PSG3: variants seen among roughly 807,000 people sequenced by gnomAD.
The protein encoded by PSG3 is pregnancy specific beta-1-glycoprotein 3, also known as pregnancy-specific beta-1-glycoprotein 3.
Under a neutral mutation model 47.5 loss-of-function variants are expected in PSG3, and 61 were observed. The ratio of observed to expected loss-of-function variants is 1.28; its 90% confidence interval spans 1.05 to 1.59. The LOEUF is 1.59. Ranked by LOEUF, PSG3 falls within the 40% of genes most tolerant of loss-of-function variation. The probability of loss-of-function intolerance (pLI) is 0.00; values close to 1 mark genes in which losing one functional copy is unlikely to be tolerated. For synonymous variants in PSG3, 263 were observed against 198.4 expected, an observed-to-expected ratio of 1.33 and a Z score of -2.74; for missense variants, 756 against 524.0, an observed-to-expected ratio of 1.44 and a Z score of -4.32.
In PSG3 at chr19:42,738,846, G is replaced by C; in HGVS notation, c.308C>G (p.Ser103Cys). ...ATTCTGGATCAGCAGGGATGCATTG[G>C]AATATACTGTTTCTCGTCCACTGTA... ...PAYSGRETVY[S>C]NASLLIQNVT... is the part of the protein sequence containing the mutation. Residue 103 changes from serine to cysteine, a missense_variant, in exon 2 of 7, where the codon TCC becomes TGC. Transcript: ENST00000327495. 2 of 1,614,124 alleles carry C rather than the reference G, an allele frequency of 1.2e-6. No homozygotes were observed. Among genetic ancestry groups the C allele is most frequent in the Non-Finnish European group, 1.7e-6 (2 of 1,180,000 alleles).
intron 4 of PSG3, among the ~76,000 whole-genome samples, 193 bp downstream of exon 4, chr19:42,729,585 C>G (rs535794313): frequency 6.6e-6 from 1 of 152,310 alleles, no homozygotes; most frequent in East Asian, 1.9e-4. Flanking sequence ...ATGACAAGAG[C>G]GTCCCCTCCC....
At chr19:42,731,988 G>A (rs1271466111) in intron 3 of PSG3, 1 of 151,764 alleles carries the variant, frequency 6.6e-6, no homozygotes, top group Non-Finnish European at 1.5e-5. Context: ...GCAAAAGCTG[G>A]TGGTTTTGGA....
chr19:42,730,518 G>A (rs186329191), intron 3 of PSG3, among the ~76,000 whole-genome samples: 1 of 152,184 alleles, frequency 6.6e-6, no homozygotes, highest in African/African-American at 2.4e-5. Flanking sequence ...GACTTCCCAT[G>A]GCCCTGAAAC....
intron 5 of PSG3, among the ~76,000 whole-genome samples, chr19:42,725,899 A>AAAAAAAAG (rs1845803584): frequency 4.0e-5 from 6 of 150,886 alleles, no homozygotes; most frequent in African/African-American, 1.5e-4. Flanking sequence ...CCAAAAAAAA[A>AAAAAAAAG]AAAAAAAAAA....
At chr19:42,738,174 C>T (rs1969597872) in intron 2 of PSG3, among the ~76,000 whole-genome samples, 1 of 152,204 alleles carries the variant, frequency 6.6e-6, no homozygotes, top group Non-Finnish European at 1.5e-5. Flanking sequence ...CCAGATGAGG[C>T]TCTGAGGGCT....
At chr19:42,726,910 A>T (rs1167087259) in intron 5 of PSG3, among the ~76,000 whole-genome samples, 1 of 152,236 alleles carries the variant, frequency 6.6e-6, no homozygotes, top group African/African-American at 2.4e-5. Context: ...TAATCAATAC[A>T]CTGTGGTACT....
chr19:42,722,655 C>A (rs1447757566), intron 6 of PSG3, among the ~76,000 whole-genome samples: 3 of 152,218 alleles, frequency 2.0e-5, no homozygotes, highest in East Asian at 1.9e-4. Flanking sequence ...TTTAACTTAT[C>A]AAATAAAGTG....
chr19:42,739,277 G>A (rs1600392841), intron 1 of PSG3, 188 bp from the exon 2 acceptor site: 3 of 1,051,268 alleles, frequency 2.9e-6, no homozygotes, highest in East Asian at 2.5e-5. Context: ...CTCCTACTAG[G>A]TGAAGGTCAG....
At chr19:42,727,704 A>G (rs937787834) in intron 5 of PSG3, among the ~76,000 whole-genome samples, 1 of 152,258 alleles carries the variant, frequency 6.6e-6, no homozygotes, top group Non-Finnish European at 1.5e-5. Context: ...CACTGTAAGA[A>G]GTGGTGTGGC....
chr19:42,732,835 G>T lies in PSG3; in HGVS notation c.658C>A (p.Arg220=). The T allele has an allele frequency of 6.8e-6, 11 of 1,614,182 alleles. No homozygotes were observed. The highest frequency in any genetic ancestry group is 9.3e-6 in the Non-Finnish European group (11 of 1,180,024). ...CTGCGGCTGGCACTCACTGGGTTCC[G>T]TATTTCACATTCATAGGGTCCTGCA... ...YTAGPYECEI[R]NPVSASRSDP... The change falls in exon 3 of 7, where the codon CGG becomes AGG. Residue 220 remains arginine, a synonymous_variant. Transcript: ENST00000327495.
chr19:42,740,083 G>A (rs1568757486), intron 1 of PSG3, among the ~76,000 whole-genome samples: 2 of 151,968 alleles, frequency 1.3e-5, no homozygotes, highest in Non-Finnish European at 2.9e-5. Context: ...CTCCCGGGTA[G>A]CTAGGATTAC....
chr19:42,733,075 C>T lies in PSG3; in HGVS notation c.431-13G>A. On this transcript the variant is annotated splice_polypyrimidine_tract_variant and intron_variant, in intron 2 of 6. Transcript: ENST00000327495. ...TTGGGAGTCTCCACTGTGCAGAAAA[C>T]AGAGAGAAGATTGCCCTGTGTGGCA... 1 of 1,611,580 alleles carries T rather than the reference C, an allele frequency of 6.2e-7. No individual in the cohort carries two copies. Among genetic ancestry groups the T allele is most frequent in the Non-Finnish European group, 8.5e-7 (1 of 1,178,550 alleles).
At chr19:42,729,592 TC>T (rs1969436429) in intron 4 of PSG3, among the ~76,000 whole-genome samples, 185 bp downstream of exon 4, 1 of 152,138 alleles carries the variant, frequency 6.6e-6, no homozygotes, top group African/African-American at 2.4e-5. Context: ...GAGCGTCCCC[TC>T]CCCTTATATT....
chr19:42,732,465 C>G, intron 3 of PSG3: 1 of 540,732 alleles, frequency 1.8e-6, no homozygotes, highest in Admixed American at 3.2e-5. Flanking sequence ...CACAGTGACC[C>G]TGTGAGCCAA....
chr19:42,725,858 G>C (rs547268602), intron 5 of PSG3, among the ~76,000 whole-genome samples: 58 of 129,618 alleles, frequency 4.5e-4, no homozygotes, highest in Non-Finnish European at 6.8e-4. Flanking sequence ...TACAGAGTGA[G>C]AGCCTGTCTC....
intron 2 of PSG3, among the ~76,000 whole-genome samples, chr19:42,735,512 G>A (rs761822121): frequency 2.6e-5 from 4 of 152,074 alleles, no homozygotes; most frequent in Admixed American, 6.6e-5. Context: ...GACTACAAGC[G>A]CCTGCCACCA....
chr19:42,722,618 A>C (rs1312900204), intron 6 of PSG3, among the ~76,000 whole-genome samples: 2 of 152,240 alleles, frequency 1.3e-5, no homozygotes, highest in African/African-American at 4.8e-5. Flanking sequence ...ATCACTTATC[A>C]CTTATTTGAA....
intron 2 of PSG3, among the ~76,000 whole-genome samples, chr19:42,735,877 C>G (rs1472087162): frequency 1.3e-5 from 2 of 152,146 alleles, no homozygotes; most frequent in African/African-American, 4.8e-5. Context: ...GGACTGCAGG[C>G]CTGTCCAGCC....
chr19:42,728,920 C>A (rs1359997366), intron 5 of PSG3, among the ~76,000 whole-genome samples: 1 of 152,120 alleles, frequency 6.6e-6, no homozygotes, highest in Non-Finnish European at 1.5e-5. Context: ...TCAGGCCAGA[C>A]ACAAGGTCAG....
Sources: gnomAD v4.1 joint callset for allele counts (sites outside exome capture counted in the v4.1 genomes callset) on GRCh38, gnomAD v4.1.1 for gene constraint, MANE v1.5 for transcripts, NCBI Gene and HGNC (gene_info 2026-07-23, HGNC 2026-07-21) for gene names.